The following FER variants were observed in gnomAD, a reference collection of about 807,000 sequenced individuals.
FER encodes the protein FER tyrosine kinase.
FER carries 63 observed loss-of-function variants against 111.0 expected under a neutral mutation model. That is an observed-to-expected ratio of 0.57 (90% CI 0.46 to 0.70). FER has a LOEUF of 0.70. FER is among the 30% of genes least tolerant of loss of function. FER has a pLI of 0.00. For missense variants in FER, 914 were observed against 954.0 expected, an observed-to-expected ratio of 0.96 and a Z score of 0.55; for synonymous variants, 327 against 313.9, an observed-to-expected ratio of 1.04 and a Z score of -0.44.
intron 10 of FER, among the ~76,000 whole-genome samples, chr5:108,916,097 C>T (rs1002843674): frequency 7.2e-5 from 11 of 151,910 alleles, no homozygotes; most frequent in Non-Finnish European, 1.3e-4. Context: ...AATTCATAGA[C>T]AAAAGGCATT....
intron 13 of FER, among the ~76,000 whole-genome samples, chr5:109,011,258 A>T (rs765467130): frequency 2.0e-5 from 3 of 152,200 alleles, no homozygotes; most frequent in Non-Finnish European, 4.4e-5. Context: ...TATTGAGAAG[A>T]TGTAAATATC....
chr5:109,176,343 G>T (rs1280268648), intron 17 of FER, among the ~76,000 whole-genome samples: 1 of 152,114 alleles, frequency 6.6e-6, no homozygotes, highest in East Asian at 1.9e-4. Context: ...ACATGGATGA[G>T]CCTGGAGTAC....
At chr5:108,820,662 C>A in intron 3 of FER, 1 of 371,346 alleles carries the variant, frequency 2.7e-6, no homozygotes, top group Non-Finnish European at 3.7e-6. Flanking sequence ...TGAGCTAATG[C>A]AGCTCAGCAT....
intron 5 of FER, among the ~76,000 whole-genome samples, chr5:108,838,085 A>G (rs1760856187): frequency 6.6e-6 from 1 of 152,200 alleles, no homozygotes; most frequent in Non-Finnish European, 1.5e-5. Flanking sequence ...TTATACTCAT[A>G]TTTAAATGAA....
At chr5:109,177,580 C>T (rs1757844381) in intron 17 of FER, 1 of 152,142 alleles carries the variant, frequency 6.6e-6, no homozygotes, top group Admixed American at 6.5e-5. Context: ...GCTTTCTAGA[C>T]AGTGAAGAAA....
intron 13 of FER, among the ~76,000 whole-genome samples, chr5:108,988,186 G>T (rs1028280705): frequency 6.6e-6 from 1 of 152,004 alleles, no homozygotes; most frequent in Non-Finnish European, 1.5e-5. Flanking sequence ...TGTTGGATTC[G>T]GTTAGCTTGT....
intron 13 of FER, among the ~76,000 whole-genome samples, chr5:108,960,633 A>G (rs999409807): frequency 5.3e-5 from 8 of 152,080 alleles, no homozygotes; most frequent in Admixed American, 1.3e-4. Flanking sequence ...TTTTCTCTTT[A>G]GTCAAAGCAA....
intron 18 of FER, among the ~76,000 whole-genome samples, chr5:109,183,398 G>C (rs866963761): frequency 6.6e-6 from 1 of 151,946 alleles, no homozygotes; most frequent in Non-Finnish European, 1.5e-5. Context: ...ACAGGTGCCC[G>C]CCACCACGCC....
rs1213764294 is a variant in FER at position 109,052,475 on chromosome 5, CTT to C, written c.1924+5280_1924+5281del. 27 of 1,071,354 alleles carry C rather than the reference CTT, an allele frequency of 2.5e-5. No individual in the cohort carries two copies. In the Admixed American group the frequency reaches 4.7e-4, roughly 19 times the overall value. The allele number at this position is 1,071,354 out of a possible 1,614,324, so 66.4% of individuals were successfully genotyped here. ...TCACGCATGTTGCCTGGGCACCACT[CTT>C]TTGCTTAAAAGAAGTGAAGTCACGC... On this transcript the variant is annotated intron_variant, in intron 16 of 19. Transcript: ENST00000281092.
intron 17 of FER, among the ~76,000 whole-genome samples, chr5:109,176,743 C>T (rs956733903): frequency 2.0e-5 from 3 of 151,870 alleles, no homozygotes; most frequent in Admixed American, 1.3e-4. Flanking sequence ...TAAATATGTA[C>T]GATTATTATA....
intron 3 of FER, among the ~76,000 whole-genome samples, chr5:108,827,437 A>G (rs572479803): frequency 6.6e-6 from 1 of 152,320 alleles, no homozygotes; most frequent in South Asian, 2.1e-4. Context: ...AGAAGAAAAA[A>G]ATAGTACCCA....
intron 4 of FER, among the ~76,000 whole-genome samples, chr5:108,835,467 G>A (rs1256994692): frequency 6.6e-6 from 1 of 152,066 alleles, no homozygotes; most frequent in Non-Finnish European, 1.5e-5. Context: ...ACAGGCGTGA[G>A]CCACCGTGCC....
chr5:109,172,489 T>TGGGGGA (rs1757229896), intron 17 of FER, among the ~76,000 whole-genome samples: 2 of 29,532 alleles, frequency 6.8e-5, no homozygotes, highest in African/African-American at 2.7e-4. Context: ...TGTTGTGGGG[T>TGGGGGA]GGGGGGAGGG....
intron 17 of FER, among the ~76,000 whole-genome samples, chr5:109,147,780 C>CATAT (rs145167406): frequency 4.5e-3 from 631 of 140,116 alleles, no homozygotes; most frequent in Middle Eastern, 0.014. Flanking sequence ...CACACACATA[C>CATAT]ATATATATAT....
chr5:108,926,922 G>T (rs1753819864), intron 10 of FER, among the ~76,000 whole-genome samples: 1 of 151,974 alleles, frequency 6.6e-6, no homozygotes, highest in South Asian at 2.1e-4. Context: ...GTATATTTTA[G>T]GCAGAAGTTG....
intron 13 of FER, among the ~76,000 whole-genome samples, chr5:109,010,332 T>C (rs1345088851): frequency 6.6e-6 from 1 of 152,136 alleles, no homozygotes; most frequent in Admixed American, 6.5e-5. Context: ...TAATTTTTTG[T>C]ATTTTTAGTA....
intron 11 of FER, among the ~76,000 whole-genome samples, chr5:108,953,710 T>C (rs1352536581): frequency 6.6e-6 from 1 of 152,154 alleles, no homozygotes; most frequent in South Asian, 2.1e-4. Context: ...TAAAACTTCA[T>C]ATATGAATAT....
chr5:108,826,804 TCTTCA>T (rs1385618208), intron 3 of FER, among the ~76,000 whole-genome samples: 1 of 152,244 alleles, frequency 6.6e-6, no homozygotes, highest in Non-Finnish European at 1.5e-5. Context: ...AATTTCTGTT[TCTTCA>T]TGATTCAGTC....
chr5:108,846,384 C>T (rs1762026690), intron 5 of FER, among the ~76,000 whole-genome samples: 1 of 151,718 alleles, frequency 6.6e-6, no homozygotes, highest in Non-Finnish European at 1.5e-5. Flanking sequence ...AAGTTATATG[C>T]CATTGTACTC....
Sources: allele counts gnomAD v4.1 joint callset (sites outside exome capture counted in the v4.1 genomes callset), GRCh38; gene constraint gnomAD v4.1.1; transcripts MANE v1.5; gene names NCBI Gene and HGNC (gene_info 2026-07-23, HGNC 2026-07-21).